Variants in GALNT13 observed in about 807,000 individuals in gnomAD.
The protein encoded by GALNT13 is UDP-GalNAc:polypeptide N-acetylgalactosaminyltransferase 13.
A neutral mutation model predicts 64.2 loss-of-function variants in GALNT13; 28 were observed. The ratio of observed to expected loss-of-function variants is 0.44; its 90% confidence interval spans 0.32 to 0.60. The LOEUF (loss-of-function observed/expected upper bound fraction) is 0.60, where lower values mean the gene tolerates loss of function less well. GALNT13 is among the 20% of genes least tolerant of loss of function. GALNT13 has a pLI of 0.05. For missense variants in GALNT13, 577 were observed against 669.8 expected, an observed-to-expected ratio of 0.86 and a Z score of 1.53; for synonymous variants, 214 against 224.6, an observed-to-expected ratio of 0.95 and a Z score of 0.42.
At chr2:153,856,085 A>T in the GALNT13 span, among the ~76,000 whole-genome samples, 23 of 152,140 alleles carry the variant, frequency 1.5e-4, no homozygotes, top group African/African-American at 5.3e-4. Flanking sequence ...GGATATAGGG[A>T]GGGATTACAG....
At chr2:153,095,742 C>G in the GALNT13 span, among the ~76,000 whole-genome samples, 146,491 of 152,222 alleles carry the variant, frequency 0.96, 70,517 homozygotes, top group East Asian at 1. Context: ...TTGTAGGGAC[C>G]TGGATGAAGC....
At chr2:153,337,602 A>C in the GALNT13 span, 1 of 152,242 alleles carries the variant, frequency 6.6e-6, no homozygotes, top group Non-Finnish European at 1.5e-5. Context: ...GTAAACTATA[A>C]AAGTATTTAT....
chr2:154,409,744 G>T (rs954917511), intron 11 of GALNT13, among the ~76,000 whole-genome samples: 5 of 151,932 alleles, frequency 3.3e-5, no homozygotes, highest in Non-Finnish European at 7.4e-5. Flanking sequence ...GTTTGAGGTA[G>T]CTAATCCTCT....
At chr2:154,169,727 C>T (rs935875144) in intron 4 of GALNT13, among the ~76,000 whole-genome samples, 3 of 152,096 alleles carry the variant, frequency 2.0e-5, no homozygotes, top group Non-Finnish European at 2.9e-5. Context: ...GGCAGCACTC[C>T]GGGTAAGTTT....
the GALNT13 span, among the ~76,000 whole-genome samples, chr2:153,128,948 TG>T: frequency 6.6e-6 from 1 of 152,136 alleles, no homozygotes; most frequent in African/African-American, 2.4e-5. Flanking sequence ...ATGATTTAAT[TG>T]CCTGCCACCA....
At chr2:153,478,763 A>G in the GALNT13 span, 1 of 566,950 alleles carries the variant, frequency 1.8e-6, no homozygotes, top group Non-Finnish European at 3.1e-6. Context: ...AGGCTCTTCT[A>G]AAGCCGTCCG....
intron 3 of GALNT13, among the ~76,000 whole-genome samples, chr2:153,977,771 T>G (rs1036741487): frequency 6.6e-6 from 1 of 152,188 alleles, no homozygotes; most frequent in Admixed American, 6.5e-5. Flanking sequence ...ATATCTGAGT[T>G]ATTCATATGA....
At chr2:154,338,557 C>T (rs150315124) in intron 9 of GALNT13, among the ~76,000 whole-genome samples, 50 of 152,194 alleles carry the variant, frequency 3.3e-4, no homozygotes, top group African/African-American at 1.0e-3. Flanking sequence ...ACACACCATG[C>T]AGGGCCACAT....
chr2:154,015,418 A>G (rs1430475588), intron 3 of GALNT13, among the ~76,000 whole-genome samples: 1 of 152,184 alleles, frequency 6.6e-6, no homozygotes, highest in Non-Finnish European at 1.5e-5. Context: ...GGTACTTCCA[A>G]TCATTAGGTG....
At chr2:153,089,516 A>G in the GALNT13 span, among the ~76,000 whole-genome samples, 1 of 152,260 alleles carries the variant, frequency 6.6e-6, no homozygotes, top group African/African-American at 2.4e-5. Context: ...TTGGATGTCT[A>G]GATCTCTATC....
At chr2:154,135,261 G>T (rs2105561940) in intron 3 of GALNT13, among the ~76,000 whole-genome samples, 1 of 151,804 alleles carries the variant, frequency 6.6e-6, no homozygotes, top group East Asian at 1.9e-4. Context: ...AATATATTTT[G>T]AGTAAAAAAA....
chr2:153,268,563 G>T, the GALNT13 span, among the ~76,000 whole-genome samples: 2 of 152,186 alleles, frequency 1.3e-5, no homozygotes, highest in African/African-American at 4.8e-5. Flanking sequence ...GGAGGAAAGT[G>T]GCCCTCTTTT....
intron 3 of GALNT13, among the ~76,000 whole-genome samples, chr2:154,043,414 TTATATATA>T (rs1179722579): frequency 0.025 from 1,918 of 78,120 alleles, 45 homozygotes; most frequent in Non-Finnish European, 0.032. Flanking sequence ...ATAAGGACTT[TTATATATA>T]TATATATATA....
the GALNT13 span, among the ~76,000 whole-genome samples, chr2:153,341,335 C>T: frequency 6.6e-6 from 1 of 152,098 alleles, no homozygotes; most frequent in Non-Finnish European, 1.5e-5. Flanking sequence ...CCTAATATGC[C>T]TTACTCACAT....
At chr2:153,207,772 A>G in the GALNT13 span, among the ~76,000 whole-genome samples, 45 of 152,300 alleles carry the variant, frequency 3.0e-4, no homozygotes, top group Admixed American at 7.8e-4. Flanking sequence ...TTGATACACA[A>G]TTAAAAATAT....
At chr2:153,496,993 CAAAAA>C in the GALNT13 span, among the ~76,000 whole-genome samples, 2 of 90,890 alleles carry the variant, frequency 2.2e-5, no homozygotes, top group Non-Finnish European at 4.6e-5. Context: ...GATTTTGTCT[CAAAAA>C]AAAAAAAAAA....
At chr2:153,509,574 C>T in the GALNT13 span, among the ~76,000 whole-genome samples, 1 of 152,180 alleles carries the variant, frequency 6.6e-6, no homozygotes, top group Non-Finnish European at 1.5e-5. Flanking sequence ...TTAACTGAAA[C>T]TTCTTGTTAA....
At chr2:154,038,943 A>G (rs923121957) in intron 3 of GALNT13, among the ~76,000 whole-genome samples, 1 of 152,030 alleles carries the variant, frequency 6.6e-6, no homozygotes, top group African/African-American at 2.4e-5. Flanking sequence ...AAAAATGGAC[A>G]AAAAAATCTG....
chr2:153,414,291 C>T, the GALNT13 span, among the ~76,000 whole-genome samples: 5 of 151,726 alleles, frequency 3.3e-5, no homozygotes, highest in Admixed American at 2.0e-4. Context: ...AGGAGAATTG[C>T]TTGAAGCTGG....
Sources: gnomAD v4.1 joint callset for allele counts (sites outside exome capture counted in the v4.1 genomes callset) on GRCh38, gnomAD v4.1.1 for gene constraint, MANE v1.5 for transcripts, NCBI Gene and HGNC (gene_info 2026-07-23, HGNC 2026-07-21) for gene names.